The following NBAS variants were observed in gnomAD, a reference collection of about 807,000 sequenced individuals.
The protein encoded by NBAS is NAG/BC035112 fusion.
A neutral mutation model predicts 302.5 loss-of-function variants in NBAS; 219 were observed. That is an observed-to-expected ratio of 0.72 (90% confidence interval 0.65 to 0.81). The LOEUF is 0.81. NBAS is among the 30% of genes least tolerant of loss of function. The pLI, the probability that NBAS is intolerant of heterozygous loss-of-function variation, is 0.00. For missense variants in NBAS, 2,932 were observed against 2,841.6 expected, an observed-to-expected ratio of 1.03 and a Z score of -0.72; for synonymous variants, 1,118 against 1,021.6, an observed-to-expected ratio of 1.09 and a Z score of -1.80.
At chr2:15,331,131 T>A (rs57765201) in intron 35 of NBAS, among the ~76,000 whole-genome samples, 1,886 of 152,314 alleles carry the variant, frequency 0.012, 51 homozygotes, top group East Asian at 0.11. Flanking sequence ...TTTGAAGTAT[T>A]TATTATTTAA....
chr2:15,558,043 A>G (rs1268356442), intron 2 of NBAS, among the ~76,000 whole-genome samples: 1 of 152,214 alleles, frequency 6.6e-6, no homozygotes, highest in Non-Finnish European at 1.5e-5. Context: ...TGAGACTCAT[A>G]CTGGCTTTGA....
chr2:15,439,781 G>A (rs1678251262), intron 21 of NBAS, among the ~76,000 whole-genome samples: 1 of 152,198 alleles, frequency 6.6e-6, no homozygotes, highest in Admixed American at 6.5e-5. Context: ...ACAGCACCTG[G>A]AAAATCGGGT....
chr2:15,407,940 G>A (rs1470547538), intron 25 of NBAS, among the ~76,000 whole-genome samples: 1 of 152,142 alleles, frequency 6.6e-6, no homozygotes, highest in Non-Finnish European at 1.5e-5. Context: ...TCTAGAGGGT[G>A]CCCACACTAC....
intron 9 of NBAS, among the ~76,000 whole-genome samples, chr2:15,526,330 A>G (rs1662911116): frequency 6.6e-6 from 1 of 152,200 alleles, no homozygotes; most frequent in Non-Finnish European, 1.5e-5. Flanking sequence ...TTTGTTTCAT[A>G]TCACCAAATT....
At chr2:14,953,006 C>G in the NBAS span, among the ~76,000 whole-genome samples, 1 of 152,246 alleles carries the variant, frequency 6.6e-6, no homozygotes, top group East Asian at 1.9e-4. Flanking sequence ...TAGCAGTTCA[C>G]CAGAAACATG....
the NBAS span, among the ~76,000 whole-genome samples, chr2:15,158,872 C>T: frequency 3.3e-5 from 5 of 152,158 alleles, no homozygotes; most frequent in Non-Finnish European, 5.9e-5. Flanking sequence ...GTAGACATCT[C>T]AGTGCCCTAA....
intron 40 of NBAS, among the ~76,000 whole-genome samples, chr2:15,295,863 CCTAT>C (rs1050171870): frequency 3.3e-5 from 5 of 152,006 alleles, no homozygotes; most frequent in Admixed American, 1.3e-4. Flanking sequence ...CAAGATACCT[CCTAT>C]CTATTTCCTC....
At chr2:15,146,484 C>T in the NBAS span, among the ~76,000 whole-genome samples, 1 of 152,094 alleles carries the variant, frequency 6.6e-6, no homozygotes, top group African/African-American at 2.4e-5. Flanking sequence ...AAGTCCAACA[C>T]CCCCAGTCAG....
At chr2:15,452,568 A>T (rs1679074691) in intron 21 of NBAS, among the ~76,000 whole-genome samples, 1 of 151,288 alleles carries the variant, frequency 6.6e-6, no homozygotes, top group Admixed American at 6.6e-5. Context: ...AGCCTGGGCA[A>T]CACAGAGAGA....
chr2:14,874,313 G>A, the NBAS span, among the ~76,000 whole-genome samples: 1 of 152,030 alleles, frequency 6.6e-6, no homozygotes, highest in African/African-American at 2.4e-5. Context: ...GGCCTGCACT[G>A]CCCTGATAAC....
Position 15,376,193 on chromosome 2 carries a change from G to A in NBAS, c.3591-1473C>T, listed in dbSNP as rs187039220. On this transcript the variant is annotated intron_variant, in intron 30 of 51. Coordinates refer to ENST00000281513, the MANE Select transcript of NBAS (RefSeq NM_015909.4). The stretch of plus-strand genomic sequence containing the variant: ...CTCTTTAATCAGTAAAAATGTAAGC[G>A]CTATTTCCTGCATTCAATATAACTG... Among the ~76,000 whole-genome samples, 34 of 152,068 alleles carry A rather than the reference G, an allele frequency of 2.2e-4. No homozygotes were observed. In the East Asian group the frequency reaches 6.2e-3, roughly 28 times the overall value.
chr2:15,461,753 A>T lies in NBAS; in HGVS notation c.2136T>A (p.Tyr712Ter). The T allele has an allele frequency of 6.2e-7, 1 of 1,608,448 alleles. No individual in the cohort carries two copies. The highest frequency in any genetic ancestry group is 8.5e-7 in the Non-Finnish European group (1 of 1,175,548). ...TGAATTTCTTAAAGAATTCAGCATC[A>T]TATCTCTGTTCAGATGCATGAGGCA... The part of the protein sequence containing the change: ...LGVPHASEQR[Y>*]DAEFFKKFRN... Residue 712 changes from tyrosine (Y) to a stop codon, truncating the protein, a stop_gained, in exon 20 of 52, where the codon TAT (tyrosine) becomes TAA (stop). Coordinates refer to ENST00000281513, the MANE Select transcript of NBAS (RefSeq NM_015909.4). LOFTEE classifies it high-confidence loss of function.
chr2:14,916,829 C>T, the NBAS span, among the ~76,000 whole-genome samples: 1 of 152,210 alleles, frequency 6.6e-6, no homozygotes, highest in Admixed American at 6.5e-5. Flanking sequence ...CCCAGCAAAG[C>T]AGACAGTGGA....
chr2:15,005,423 A>T, the NBAS span, among the ~76,000 whole-genome samples: 2 of 152,212 alleles, frequency 1.3e-5, no homozygotes, highest in Admixed American at 1.3e-4. Flanking sequence ...CATTTACACA[A>T]TGCACTAGTC....
At chr2:15,347,635 A>C (rs1425468765) in intron 35 of NBAS, among the ~76,000 whole-genome samples, 3 of 152,222 alleles carry the variant, frequency 2.0e-5, no homozygotes, top group Non-Finnish European at 4.4e-5. Flanking sequence ...TTTTAATGGG[A>C]ACCTTGTATA....
chr2:14,819,260 A>G, the NBAS span, among the ~76,000 whole-genome samples: 1 of 152,236 alleles, frequency 6.6e-6, no homozygotes, highest in Non-Finnish European at 1.5e-5. Flanking sequence ...GGTAGATCCC[A>G]TGTAAGAATT....
At chr2:14,833,240 C>T in the NBAS span, among the ~76,000 whole-genome samples, 1 of 152,166 alleles carries the variant, frequency 6.6e-6, no homozygotes, top group African/African-American at 2.4e-5. Flanking sequence ...ACAGGACCCA[C>T]TGAGATTGAA....
chr2:14,924,421 G>A, the NBAS span, among the ~76,000 whole-genome samples: 1 of 152,320 alleles, frequency 6.6e-6, no homozygotes, highest in Non-Finnish European at 1.5e-5. Flanking sequence ...AATCCACAGA[G>A]CCACCACAGG....
chr2:15,021,610 T>C, the NBAS span, among the ~76,000 whole-genome samples: 1 of 151,836 alleles, frequency 6.6e-6, no homozygotes, highest in African/African-American at 2.4e-5. Context: ...ATCCTAGAGC[T>C]AAGCATTCAC....
Sources: gnomAD v4.1 joint callset for allele counts (sites outside exome capture counted in the v4.1 genomes callset) on GRCh38, gnomAD v4.1.1 for gene constraint, MANE v1.5 for transcripts, NCBI Gene and HGNC (gene_info 2026-07-23, HGNC 2026-07-21) for gene names.